ARHGAP22: variants seen among roughly 807,000 people sequenced by gnomAD.
ARHGAP22 encodes the protein Rho GTPase activating protein 22.
Under a neutral mutation model 59.1 loss-of-function variants are expected in ARHGAP22, and 48 were observed. The observed-to-expected ratio is 0.81, with a 90% CI of 0.64 to 1.03. ARHGAP22 has a LOEUF of 1.03. Among genes scored for constraint, ARHGAP22 ranks in the 50% least tolerant of loss-of-function variants. ARHGAP22 has a pLI of 0.00. For missense variants in ARHGAP22, 1,015 were observed against 958.7 expected (o/e 1.06, Z -0.78); for synonymous variants, 445 against 416.4 (o/e 1.07, Z -0.84).
chr10:48,485,855 T>A (rs1327909953), intron 3 of ARHGAP22, among the ~76,000 whole-genome samples: 3 of 152,202 alleles, frequency 2.0e-5, no homozygotes, highest in African/African-American at 4.8e-5. Context: ...TCTTTTTCCA[T>A]CCTTTTAACT....
intron 3 of ARHGAP22, among the ~76,000 whole-genome samples, chr10:48,535,351 G>C (rs1469467326): frequency 6.6e-6 from 1 of 152,160 alleles, no homozygotes; most frequent in Admixed American, 6.5e-5. Context: ...AGAGGGAGTG[G>C]GGCTGCTCCA....
intron 3 of ARHGAP22, among the ~76,000 whole-genome samples, chr10:48,489,444 T>A (rs1417140269): frequency 6.6e-6 from 1 of 152,070 alleles, no homozygotes; most frequent in Non-Finnish European, 1.5e-5. Flanking sequence ...TAAAGGGGAG[T>A]GCAAGGAAGA....
At chr10:48,468,708 T>A (rs1274548887) in intron 4 of ARHGAP22, among the ~76,000 whole-genome samples, 1 of 152,194 alleles carries the variant, frequency 6.6e-6, no homozygotes, top group Non-Finnish European at 1.5e-5. Flanking sequence ...AAGATTACAA[T>A]AAAATATCTT....
At chr10:48,646,643 GCAACAA>G (rs890230294) in intron 1 of ARHGAP22, among the ~76,000 whole-genome samples, 2 of 151,976 alleles carry the variant, frequency 1.3e-5, no homozygotes, top group Non-Finnish European at 2.9e-5. Flanking sequence ...AACAGCAGCA[GCAACAA>G]CAACAACAAC....
chr10:48,509,214 C>A (rs1192288781), intron 3 of ARHGAP22, among the ~76,000 whole-genome samples: 2 of 152,184 alleles, frequency 1.3e-5, no homozygotes, highest in Non-Finnish European at 2.9e-5. Flanking sequence ...CCATCCTGCA[C>A]TCAGCTGGCG....
chr10:48,501,837 G>A (rs921652692), intron 3 of ARHGAP22, among the ~76,000 whole-genome samples: 3 of 152,166 alleles, frequency 2.0e-5, no homozygotes, highest in African/African-American at 4.8e-5. Flanking sequence ...ACTCAGAGGT[G>A]CATAGATCTG....
At chr10:48,503,245 C>G (rs954271707) in intron 3 of ARHGAP22, among the ~76,000 whole-genome samples, 3 of 152,272 alleles carry the variant, frequency 2.0e-5, no homozygotes, top group East Asian at 1.9e-4. Context: ...CCGAAATGTT[C>G]AAGAGAGGGG....
At chr10:48,556,960 T>A (rs1177051966) in intron 2 of ARHGAP22, among the ~76,000 whole-genome samples, 2 of 152,212 alleles carry the variant, frequency 1.3e-5, no homozygotes, top group African/African-American at 4.8e-5. Flanking sequence ...GCCTCCCATG[T>A]GCTGCTGGAA....
intron 3 of ARHGAP22, among the ~76,000 whole-genome samples, chr10:48,516,227 AT>A (rs1192113776): frequency 6.6e-6 from 1 of 152,242 alleles, no homozygotes; most frequent in African/African-American, 2.4e-5. Context: ...AAGGGATAAT[AT>A]GAAAAAGAGT....
At chr10:48,608,819 A>G (rs1388402736), upstream of ARHGAP22, among the ~76,000 whole-genome samples, 1 of 152,236 alleles carries the variant, frequency 6.6e-6, no homozygotes, top group African/African-American at 2.4e-5. Flanking sequence ...ATCATTAGAA[A>G]TTAATGTATA....
At position 48,493,448 on chromosome 10, in the gene ARHGAP22, T is replaced by C. The variant is rs753788454; in HGVS notation, c.323-13684A>G. 5.2e-6 allele frequency: 8 copies of C among 1,535,894 alleles called. No homozygotes were observed. The South Asian group carries it at 8.3e-5, about 16-fold the overall frequency. On this transcript the variant is annotated intron_variant, in intron 3 of 9. Coordinates refer to ENST00000249601, the MANE Select transcript of ARHGAP22 (RefSeq NM_021226.4). Reference sequence around the variant, plus strand: ...CCAGCTATCCACTTACCCCTGGGCATACGCCTGCTCCTCTTCAGACACCTG... The same window carrying C: ...CCAGCTATCCACTTACCCCTGGGCACACGCCTGCTCCTCTTCAGACACCTG...
At chr10:48,590,087 G>T (rs1233101726) in intron 1 of ARHGAP22, among the ~76,000 whole-genome samples, 2 of 152,068 alleles carry the variant, frequency 1.3e-5, no homozygotes, top group African/African-American at 4.8e-5. Context: ...GTCATGGGTG[G>T]AGGGGTGAGG....
Position 48,632,232 on chromosome 10 carries a change from T to A in ARHGAP22, c.52+20002A>T, listed in dbSNP as rs558579230. Among the ~76,000 whole-genome samples the A allele has an allele frequency of 5.3e-5, 8 of 152,316 alleles. No individual in the cohort carries two copies. The South Asian group carries it at 1.7e-3, about 32-fold the overall frequency. ...AGAACATATGATATTTGCTTTTCCATTCCTGAGTTACTTCACTTAGAATAA... is the reference window on the plus strand; with the variant it reads ...AGAACATATGATATTTGCTTTTCCAATCCTGAGTTACTTCACTTAGAATAA... On this transcript the variant is annotated intron_variant, in intron 1 of 9. Transcript: ENST00000435790.
At chr10:48,584,800 T>C (rs1426863615) in intron 1 of ARHGAP22, among the ~76,000 whole-genome samples, 1 of 152,094 alleles carries the variant, frequency 6.6e-6, no homozygotes, top group African/African-American at 2.4e-5. Context: ...TGAGACCGTC[T>C]TGGCTAACAC....
Position 48,450,352 on chromosome 10 carries a change from C to T in ARHGAP22, c.1777G>A (p.Ala593Thr). 1 of 1,591,094 alleles carries T rather than the reference C, an allele frequency of 6.3e-7. No individual in the cohort carries two copies. Among genetic ancestry groups the T allele is most frequent in the Non-Finnish European group, 8.6e-7 (1 of 1,169,358 alleles). The change falls in exon 9 of 10, where the codon GCG (alanine) becomes ACG (threonine). Residue 593 changes from alanine (A) to threonine (T), a missense_variant. Ala to Thr is a moderately conservative substitution (Grantham distance 58). Coordinates refer to ENST00000249601, the MANE Select transcript of ARHGAP22 (RefSeq NM_021226.4). ...SEPDSPTREH[A>T]RRSEALQGLV... ...CCCTGTAAGGCCTCGGAGCGGCGCG[C>T]GTGTTCCCGGGTGGGGCTGTCCGGC...
At chr10:48,437,406 A>T in the ARHGAP22 span, 1 of 152,164 alleles carries the variant, frequency 6.6e-6, no homozygotes. Flanking sequence ...TAGTACTTGT[A>T]TGAAACCACC....
intron 4 of ARHGAP22, among the ~76,000 whole-genome samples, chr10:48,475,388 G>T (rs2134011716): frequency 6.6e-6 from 1 of 152,180 alleles, no homozygotes; most frequent in East Asian, 1.9e-4. Context: ...ACTCTCTCTA[G>T]CCCAGTCCTC....
chr10:48,615,123 G>T (rs2061030360), intron 1 of ARHGAP22, among the ~76,000 whole-genome samples: 1 of 152,180 alleles, frequency 6.6e-6, no homozygotes. Flanking sequence ...ACATGCCAAG[G>T]TTGTGTGAAT....
intron 4 of ARHGAP22, among the ~76,000 whole-genome samples, chr10:48,477,599 T>C (rs1287240710): frequency 1.3e-5 from 2 of 152,250 alleles, no homozygotes; most frequent in African/African-American, 4.8e-5. Context: ...CCTAGCAATA[T>C]GTGCAAGTTT....
Sources: gnomAD v4.1 joint callset for allele counts (sites outside exome capture counted in the v4.1 genomes callset) on GRCh38, gnomAD v4.1.1 for gene constraint, MANE v1.5 for transcripts, NCBI Gene and HGNC (gene_info 2026-07-23, HGNC 2026-07-21) for gene names.